NT5DC1: variants seen among roughly 807,000 people sequenced by gnomAD.
The protein encoded by NT5DC1 is 5'-nucleotidase domain-containing protein 1.
NT5DC1 carries 42 observed loss-of-function variants against 59.4 expected under a neutral mutation model. The ratio of observed to expected loss-of-function variants is 0.71; its 90% CI spans 0.55 to 0.92. The LOEUF is 0.92. NT5DC1 is among the 40% of genes least tolerant of loss of function. The pLI is 0.00. For synonymous variants in NT5DC1, 172 were observed against 188.1 expected (o/e 0.91, Z 0.70); for missense variants, 501 against 537.1 (o/e 0.93, Z 0.66).
intron 1 of NT5DC1, among the ~76,000 whole-genome samples, chr6:116,104,087 G>A (rs936702257): frequency 6.6e-6 from 1 of 152,132 alleles, no homozygotes; most frequent in Non-Finnish European, 1.5e-5. Flanking sequence ...AGCTAAGGCT[G>A]GGGGAGGAAT....
In NT5DC1 at chr6:116,138,410, G is replaced by A. The variant is rs1304464031; in HGVS notation, c.529+20465G>A. On this transcript the variant is annotated intron_variant, in intron 6 of 11. Coordinates refer to ENST00000319550, the MANE Select transcript of NT5DC1 (RefSeq NM_152729.3). ...TCCTTGTTAAGATTTGTGTGAAAGT[G>A]TAATCCCACTACGTCTGCTTTCCAA... 3.3e-5 allele frequency among the ~76,000 whole-genome samples: 5 copies of A among 152,296 alleles called. No homozygotes were observed. The East Asian group carries it at 5.8e-4, about 18-fold the overall frequency.
intron 6 of NT5DC1, among the ~76,000 whole-genome samples, chr6:116,152,572 G>C (rs1337721641): frequency 1.3e-5 from 2 of 151,962 alleles, no homozygotes; most frequent in Non-Finnish European, 2.9e-5. Context: ...ATCTCACATG[G>C]GACTTTCATC....
intron 4 of NT5DC1, among the ~76,000 whole-genome samples, chr6:116,115,459 C>T (rs1475028035): frequency 3.3e-5 from 5 of 152,166 alleles, no homozygotes; most frequent in Non-Finnish European, 4.4e-5. Flanking sequence ...AAAATATCTT[C>T]GAATACAATG....
intron 6 of NT5DC1, chr6:116,125,368 A>T: frequency 6.2e-7 from 1 of 1,613,738 alleles, no homozygotes. Flanking sequence ...GGGAATGAAG[A>T]ACTGTGTCTT....
chr6:116,158,531 C>T (rs923470308), intron 6 of NT5DC1: 8 of 152,190 alleles, frequency 5.3e-5, no homozygotes, highest in African/African-American at 1.9e-4. Flanking sequence ...TAAATAGTCA[C>T]AGCCAGTATT....
At chr6:116,216,141 C>T (rs1193568470) in intron 6 of NT5DC1, among the ~76,000 whole-genome samples, 1 of 152,014 alleles carries the variant, frequency 6.6e-6, no homozygotes, top group Non-Finnish European at 1.5e-5. Context: ...TCATCAACCA[C>T]AATGACATTT....
At chr6:116,138,940 G>T (rs1285270235) in intron 6 of NT5DC1, among the ~76,000 whole-genome samples, 2 of 152,114 alleles carry the variant, frequency 1.3e-5, no homozygotes, top group East Asian at 3.9e-4. Context: ...GTTTATAATT[G>T]CATTATTAGT....
intron 6 of NT5DC1, among the ~76,000 whole-genome samples, chr6:116,184,354 A>G (rs908781199): frequency 6.6e-6 from 1 of 152,030 alleles, no homozygotes; most frequent in African/African-American, 2.4e-5. Flanking sequence ...ACTAGCCTGT[A>G]GTTTTCTTTA....
chr6:116,110,208 T>G (rs1227254007), intron 3 of NT5DC1, among the ~76,000 whole-genome samples: 1 of 152,248 alleles, frequency 6.6e-6, no homozygotes, highest in Non-Finnish European at 1.5e-5. Flanking sequence ...CATATTTCTC[T>G]GTAGCATAGG....
At chr6:116,109,244 A>G (rs1778818724) in intron 3 of NT5DC1, among the ~76,000 whole-genome samples, 1 of 152,230 alleles carries the variant, frequency 6.6e-6, no homozygotes, top group South Asian at 2.1e-4. Flanking sequence ...TTGTTGCATC[A>G]TTCTTTTTGC....
intron 8 of NT5DC1, among the ~76,000 whole-genome samples, chr6:116,227,110 T>C (rs1781925565): frequency 6.6e-6 from 1 of 152,308 alleles, no homozygotes; most frequent in African/African-American, 2.4e-5. Context: ...TTTTGTGTCC[T>C]TTGACCAACA....
chr6:116,116,429 G>T (rs569736030), intron 5 of NT5DC1, among the ~76,000 whole-genome samples: 1 of 152,292 alleles, frequency 6.6e-6, no homozygotes, highest in East Asian at 1.9e-4. Flanking sequence ...GGATCACGAA[G>T]TCAGGAGTTC....
intron 6 of NT5DC1, among the ~76,000 whole-genome samples, chr6:116,208,960 T>G (rs554734286): frequency 4.9e-4 from 75 of 152,134 alleles, no homozygotes; most frequent in African/African-American, 1.8e-3. Flanking sequence ...AAAAGATACA[T>G]AAAGGTATTT....
At chr6:116,214,974 A>G (rs992705856) in intron 6 of NT5DC1, among the ~76,000 whole-genome samples, 15 of 152,062 alleles carry the variant, frequency 9.9e-5, no homozygotes, top group African/African-American at 2.9e-4. Context: ...AGAGGTCTCT[A>G]GGGTGGGGGG....
rs537732214 is a variant in NT5DC1, at chr6:116,120,700, G to A, written c.529+2755G>A. 1.2e-5 allele frequency: 19 copies of A among 1,554,412 alleles called. No individual in the cohort carries two copies. Among genetic ancestry groups the A allele is most frequent in the African/African-American group, 8.3e-5 (6 of 72,404 alleles). On this transcript the variant is annotated intron_variant, in intron 6 of 11. Coordinates refer to ENST00000319550, the MANE Select transcript of NT5DC1 (RefSeq NM_152729.3). ...CTATGCCAGCTGGGCCAGGAGGACC[G>A]GGACTTCCTGGATCCCCTTTAGACC...
At chr6:116,197,156 A>G (rs1418817220) in intron 6 of NT5DC1, among the ~76,000 whole-genome samples, 2 of 151,700 alleles carry the variant, frequency 1.3e-5, no homozygotes, top group African/African-American at 2.4e-5. Flanking sequence ...CACCTCTACT[A>G]TCTTCTGCTC....
At chr6:116,228,011 T>C (rs1452980340) in intron 8 of NT5DC1, among the ~76,000 whole-genome samples, 1 of 152,226 alleles carries the variant, frequency 6.6e-6, no homozygotes, top group African/African-American at 2.4e-5. Flanking sequence ...CATTTCGGGA[T>C]ATAGCCAGAA....
intron 8 of NT5DC1, among the ~76,000 whole-genome samples, chr6:116,227,871 A>G (rs967365767): frequency 6.6e-6 from 1 of 151,950 alleles, no homozygotes; most frequent in Non-Finnish European, 1.5e-5. Context: ...CCCTTATCAG[A>G]TGTATGGTTT....
In NT5DC1 at chr6:116,244,245, ATACAG is replaced by A. The variant is rs1346375928; in HGVS notation, c.*224_*228del. ...ACTTAGAACCTTATTGATATTTTCT[ATACAG>A]TAGTTTTGTGATTAGAATTCACCTG... On this transcript the variant is annotated 3_prime_UTR_variant, in exon 12 of 12. Coordinates refer to ENST00000319550, the MANE Select transcript of NT5DC1 (RefSeq NM_152729.3). 6.0e-6 allele frequency: 2 copies of A among 335,028 alleles called. No homozygotes were observed. The highest frequency in any genetic ancestry group is 1.1e-5 in the Non-Finnish European group (2 of 183,868). 20.8% of individuals were successfully genotyped at this position (335,028 alleles called of 1,614,324 possible).
Sources: gnomAD v4.1 joint callset for allele counts (sites outside exome capture counted in the v4.1 genomes callset) on GRCh38, gnomAD v4.1.1 for gene constraint, MANE v1.5 for transcripts, NCBI Gene and HGNC (gene_info 2026-07-23, HGNC 2026-07-21) for gene names.